The following FLVCR1 variants were observed in gnomAD, a reference collection of about 807,000 sequenced individuals.
FLVCR1 encodes choline/ethanolamine transporter FLVCR1.
A neutral mutation model predicts 53.6 loss-of-function variants in FLVCR1; 34 were observed. That is an observed-to-expected ratio of 0.63 (90% CI 0.48 to 0.84). FLVCR1 has a LOEUF of 0.84. Among genes scored for constraint, FLVCR1 ranks in the 40% least tolerant of loss-of-function variants. The pLI is 0.00. For synonymous variants in FLVCR1, 300 were observed against 286.3 expected (o/e 1.05, Z -0.48); for missense variants, 677 against 696.7 (o/e 0.97, Z 0.32).
intron 2 of FLVCR1, among the ~76,000 whole-genome samples, chr1:212,865,979 TG>T (rs371532203): frequency 0.3 from 24,337 of 81,450 alleles, 3,213 homozygotes; most frequent in East Asian, 0.61. Context: ...TTTTGGGGTT[TG>T]GTTTTTTTTT....
chr1:212,876,586 G>A (rs567385219), intron 3 of FLVCR1, among the ~76,000 whole-genome samples: 25 of 152,160 alleles, frequency 1.6e-4, no homozygotes, highest in Admixed American at 3.3e-4. Flanking sequence ...GGCTGGTCTC[G>A]AACTCCTGAC....
rs1256505306 is a variant in FLVCR1, at chr1:212,859,201, G to T, written c.738+11G>T. 6.2e-7 allele frequency: 1 copy of T among 1,614,048 alleles called. No homozygotes were observed. The highest frequency in any genetic ancestry group is 1.7e-5 in the Admixed American group (1 of 60,024). Reference sequence around the variant, plus strand: ...GTGCTGGGCAATCAGGTAAGTACTGGAGTGGTAGGTGAAAGTCAGATCCTT... The same window carrying T: ...GTGCTGGGCAATCAGGTAAGTACTGTAGTGGTAGGTGAAAGTCAGATCCTT... On this transcript the variant is annotated intron_variant, in intron 1 of 9. Coordinates refer to ENST00000366971, the MANE Select transcript of FLVCR1 (RefSeq NM_014053.4).
At chr1:212,883,582 T>C in intron 4 of FLVCR1, 144 bp downstream of exon 4, 1 of 623,922 alleles carries the variant, frequency 1.6e-6, no homozygotes, top group Non-Finnish European at 2.9e-6. Context: ...AGAATATATT[T>C]GTTAAAAAAT....
At chr1:212,863,417 C>T (rs1041514974) in intron 1 of FLVCR1, among the ~76,000 whole-genome samples, 1 of 151,970 alleles carries the variant, frequency 6.6e-6, no homozygotes, top group Non-Finnish European at 1.5e-5. Flanking sequence ...TGGTGAAACC[C>T]CGTCTGTACT....
intron 1 of FLVCR1, among the ~76,000 whole-genome samples, chr1:212,860,020 C>T (rs986844970): frequency 2.0e-5 from 3 of 152,028 alleles, no homozygotes; most frequent in Non-Finnish European, 2.9e-5. Flanking sequence ...TGGTGGCTCA[C>T]GCCTGTAATC....
intron 3 of FLVCR1, among the ~76,000 whole-genome samples, chr1:212,876,597 C>T (rs1370631580): frequency 1.3e-5 from 2 of 152,054 alleles, no homozygotes; most frequent in Non-Finnish European, 2.9e-5. Context: ...AACTCCTGAC[C>T]TCAGGTGATT....
chr1:212,859,400 T>C (rs1424345530), intron 1 of FLVCR1, among the ~76,000 whole-genome samples: 1 of 152,170 alleles, frequency 6.6e-6, no homozygotes, highest in African/African-American at 2.4e-5. Context: ...GACCTTGTCA[T>C]CTTGCTTTGA....
In FLVCR1 at chr1:212,896,561, G is replaced by C. The variant is rs2102578883; in HGVS notation, c.*1271G>C. On this transcript the variant is annotated 3_prime_UTR_variant, in exon 10 of 10. Coordinates refer to ENST00000366971, the MANE Select transcript of FLVCR1 (RefSeq NM_014053.4). ...TAAATATTGTTGATGTCCTGACTCT[G>C]TGAGCTCATAGGGAGTATCTTCATA... The C allele has an allele frequency of 6.6e-6, 1 of 152,168 alleles. No homozygotes were observed. Among genetic ancestry groups the C allele is most frequent in the South Asian group, 2.1e-4 (1 of 4,822 alleles). 9.4% of individuals were successfully genotyped at this position (152,168 alleles called of 1,614,324 possible).
chr1:212,894,754 T>C (rs12405293), intron 8 of FLVCR1, among the ~76,000 whole-genome samples: 59,984 of 152,024 alleles, frequency 0.39, 13,341 homozygotes, highest in South Asian at 0.52. Flanking sequence ...ATTACACTTT[T>C]CATTTTTGTA....
chr1:212,882,898 CA>C (rs1177359294), intron 3 of FLVCR1, among the ~76,000 whole-genome samples: 13 of 147,034 alleles, frequency 8.8e-5, no homozygotes, highest in Non-Finnish European at 9.0e-5. Context: ...GGCTCCATCT[CA>C]AAAAAAAAAG....
chr1:212,888,600 C>T lies in FLVCR1; in HGVS notation c.1413+6C>T. 1 of 1,555,338 alleles carries T rather than the reference C, an allele frequency of 6.4e-7. No homozygotes were observed. The highest frequency in any genetic ancestry group is 1.1e-5 in the South Asian group (1 of 89,862). On this transcript the variant is annotated splice_donor_region_variant and intron_variant, in intron 7 of 9. Coordinates refer to ENST00000366971, the MANE Select transcript of FLVCR1 (RefSeq NM_014053.4). ...TTCTTAATGCTTCTGCACAGGTAAA[C>T]CTCTGATTTCTCTAAACCTGAGATG...
intron 3 of FLVCR1, among the ~76,000 whole-genome samples, chr1:212,877,726 T>C (rs999974438): frequency 6.6e-6 from 1 of 150,600 alleles, no homozygotes; most frequent in Admixed American, 6.6e-5. Flanking sequence ...CTCTTTAGTT[T>C]AATTAGGTGC....
chr1:212,861,793 C>T (rs1295428260), intron 1 of FLVCR1, among the ~76,000 whole-genome samples: 1 of 152,098 alleles, frequency 6.6e-6, no homozygotes, highest in African/African-American at 2.4e-5. Flanking sequence ...CCTCAGCCTC[C>T]CGTGTAGCTG....
At chr1:212,875,701 A>G (rs558785336) in intron 3 of FLVCR1, among the ~76,000 whole-genome samples, 1 of 151,768 alleles carries the variant, frequency 6.6e-6, no homozygotes, top group South Asian at 2.1e-4. Context: ...TTAGCTGGGC[A>G]TGGTGGGTGC....
intron 3 of FLVCR1, among the ~76,000 whole-genome samples, chr1:212,882,638 A>G (rs1339709354): frequency 6.6e-6 from 1 of 152,158 alleles, no homozygotes; most frequent in East Asian, 1.9e-4. Context: ...AAAATATTTA[A>G]TAATAGATAA....
chr1:212,888,425 T>G, intron 6 of FLVCR1, 64 bp from the exon 7 acceptor site: 2 of 1,069,256 alleles, frequency 1.9e-6, no homozygotes, highest in South Asian at 2.5e-5. Context: ...GCAGAATGAT[T>G]GCATCAGTAT....
chr1:212,881,785 G>A (rs1175104834), intron 3 of FLVCR1, among the ~76,000 whole-genome samples: 1 of 152,170 alleles, frequency 6.6e-6, no homozygotes, highest in African/African-American at 2.4e-5. Flanking sequence ...TAGACTATGA[G>A]AAAATTGTCT....
At position 212,859,089 on chromosome 1, in the gene FLVCR1, G is replaced by T. The variant is rs1572002696; in HGVS notation, c.637G>T (p.Ala213Ser). The stretch of plus-strand genomic sequence containing the variant: ...GTTGGGCCAGTGCTTGTGCTCGGTG[G>T]CCCAGGTGTTCATCCTGGGCTTGCC... Reference protein sequence around the residue: ...TMLGQCLCSVAQVFILGLPSR... With the variant: ...TMLGQCLCSVSQVFILGLPSR... Residue 213 changes from alanine (A) to serine (S), a missense_variant, in exon 1 of 10, where the codon GCC becomes TCC. Physicochemically the swap from Ala to Ser is moderately conservative, Grantham distance 99. Coordinates refer to ENST00000366971, the MANE Select transcript of FLVCR1 (RefSeq NM_014053.4). 6.2e-7 allele frequency: 1 copy of T among 1,613,726 alleles called. No individual in the cohort carries two copies. Among genetic ancestry groups the T allele is most frequent in the Non-Finnish European group, 8.5e-7 (1 of 1,179,910 alleles).
intron 3 of FLVCR1, among the ~76,000 whole-genome samples, chr1:212,876,296 C>T (rs145124554): frequency 0.011 from 1,725 of 152,120 alleles, 15 homozygotes; most frequent in Non-Finnish European, 0.019. Context: ...GGTTGGTTTT[C>T]TGTTCTTGCC....
Sources: gnomAD v4.1 joint callset for allele counts (sites outside exome capture counted in the v4.1 genomes callset) on GRCh38, gnomAD v4.1.1 for gene constraint, MANE v1.5 for transcripts, NCBI Gene and HGNC (gene_info 2026-07-23, HGNC 2026-07-21) for gene names.